Variants in SLC25A21 observed in about 807,000 individuals in gnomAD.
The protein encoded by SLC25A21 is mitochondrial 2-oxodicarboxylate carrier.
A neutral mutation model predicts 43.8 loss-of-function variants in SLC25A21; 47 were observed. The observed-to-expected ratio is 1.07, with a 90% CI of 0.85 to 1.37. The LOEUF is 1.37. Ranked by LOEUF, SLC25A21 falls within the 40% of genes most tolerant of loss-of-function variation. The pLI is 0.00. For missense variants in SLC25A21, 352 were observed against 350.2 expected (o/e 1.00, Z -0.04); for synonymous variants, 131 against 121.3 (o/e 1.08, Z -0.52).
At chr14:36,951,529 C>G (rs1009275150) in intron 1 of SLC25A21, among the ~76,000 whole-genome samples, 18 of 152,150 alleles carry the variant, frequency 1.2e-4, no homozygotes, top group Non-Finnish European at 2.2e-4. Flanking sequence ...AATAGGGCCT[C>G]TCTTATCCAC....
At chr14:36,793,353 T>C (rs979686534) in intron 3 of SLC25A21, among the ~76,000 whole-genome samples, 1 of 151,888 alleles carries the variant, frequency 6.6e-6, no homozygotes, top group African/African-American at 2.4e-5. Context: ...CGGAAACACA[T>C]GAATAATGGA....
chr14:37,061,064 TG>T (rs1257238271), intron 1 of SLC25A21, among the ~76,000 whole-genome samples: 3 of 152,130 alleles, frequency 2.0e-5, no homozygotes, highest in Non-Finnish European at 4.4e-5. Flanking sequence ...TCCCTGCAGG[TG>T]TGCTCTGATC....
rs183404449 is a variant in SLC25A21 at position 37,172,208 on chromosome 14, C to A, written c.70+73G>T. The A allele has an allele frequency of 1.6e-4, 230 of 1,450,136 alleles. No homozygotes were observed. In the African/African-American group the frequency reaches 3.0e-3, roughly 19 times the overall value. The allele number at this position is 1,450,136 out of a possible 1,614,324, so 89.8% of individuals were successfully genotyped here. On this transcript the variant is annotated intron_variant, in intron 1 of 9. Transcript: ENST00000331299. ...GCAGAACTTCAGTAAGGAGACCTGT[C>A]TGGGCAACGGTTTCAGGACACGCGG...
At chr14:36,943,316 C>T (rs550247838) in intron 1 of SLC25A21, among the ~76,000 whole-genome samples, 1 of 152,166 alleles carries the variant, frequency 6.6e-6, no homozygotes, top group African/African-American at 2.4e-5. Context: ...CTCAGCCTCC[C>T]GACTAGCTAG....
chr14:36,867,040 T>TG (rs1329122644), intron 2 of SLC25A21, among the ~76,000 whole-genome samples: 1 of 152,154 alleles, frequency 6.6e-6, no homozygotes, highest in Non-Finnish European at 1.5e-5. Context: ...CTGCTCTAGA[T>TG]GGAGTCTGGG....
intron 1 of SLC25A21, among the ~76,000 whole-genome samples, chr14:36,955,343 G>A (rs113502931): frequency 0.018 from 2,731 of 152,260 alleles, 76 homozygotes; most frequent in African/African-American, 0.061. Context: ...TTTCCCAAAG[G>A]ATTACTTTTG....
At chr14:36,891,374 G>GAGGTATGAATTCTGTATTC (rs977754409) in intron 1 of SLC25A21, among the ~76,000 whole-genome samples, 4 of 152,090 alleles carry the variant, frequency 2.6e-5, no homozygotes, top group African/African-American at 9.7e-5. Context: ...CTTCATAGGA[G>GAGGTATGAATTCTGTATTC]AGGTATGAAT....
chr14:36,716,421 C>T (rs1021799184), intron 6 of SLC25A21, among the ~76,000 whole-genome samples: 7 of 152,146 alleles, frequency 4.6e-5, no homozygotes, highest in Non-Finnish European at 1.0e-4. Context: ...TCTTGCCACA[C>T]ACAAAAATAG....
At chr14:36,721,624 A>G (rs1218814339) in intron 6 of SLC25A21, among the ~76,000 whole-genome samples, 2 of 152,218 alleles carry the variant, frequency 1.3e-5, no homozygotes, top group African/African-American at 4.8e-5. Flanking sequence ...TAATTGGCAA[A>G]CAAAGTTTAA....
chr14:37,071,233 T>A lies in SLC25A21; in HGVS notation c.70+101048A>T, dbSNP rs534063115. On this transcript the variant is annotated intron_variant, in intron 1 of 9. Coordinates refer to ENST00000331299, the MANE Select transcript of SLC25A21 (RefSeq NM_030631.4). ...GATGTATACATGGTATTGATGAAAA[T>A]TTTTAAAAATGTTAAATTAATCCCA... Among the ~76,000 whole-genome samples, 79 of 152,302 alleles carry A rather than the reference T, an allele frequency of 5.2e-4. 2 individuals carry two copies. The highest frequency in any genetic ancestry group is 1.8e-3 in the African/African-American group (76 of 41,566).
intron 1 of SLC25A21, among the ~76,000 whole-genome samples, chr14:36,889,649 G>C (rs1330317122): frequency 1.3e-5 from 2 of 151,792 alleles, no homozygotes; most frequent in African/African-American, 4.8e-5. Flanking sequence ...ACTATGCTCA[G>C]CTATTTTTTA....
intron 1 of SLC25A21, among the ~76,000 whole-genome samples, chr14:37,028,978 C>T (rs1192002835): frequency 6.6e-6 from 1 of 152,140 alleles, no homozygotes; most frequent in African/African-American, 2.4e-5. Flanking sequence ...TAGTCCTTGC[C>T]AATTATTCTA....
intron 1 of SLC25A21, among the ~76,000 whole-genome samples, chr14:36,879,308 T>C (rs1210282671): frequency 6.6e-6 from 1 of 152,206 alleles, no homozygotes; most frequent in African/African-American, 2.4e-5. Context: ...GTTATTTTTA[T>C]TTCAGGCAAC....
intron 3 of SLC25A21, among the ~76,000 whole-genome samples, chr14:36,739,156 G>A (rs938750545): frequency 1.1e-4 from 17 of 152,108 alleles, no homozygotes; most frequent in African/African-American, 3.6e-4. Flanking sequence ...TTAGAAGGAA[G>A]CAGGAAAGGC....
In SLC25A21 at chr14:36,764,534, C is replaced by CAA. The variant is rs200286612; in HGVS notation, c.204-29963_204-29962dup. Among the ~76,000 whole-genome samples, 227 of 96,088 alleles carry CAA rather than the reference C, an allele frequency of 2.4e-3. 1 individual carries two copies. The Middle Eastern group carries it at 0.028, about 12-fold the overall frequency. 63.0% of individuals were successfully genotyped at this position (96,088 alleles called of 152,430 possible). On this transcript the variant is annotated intron_variant, in intron 3 of 9. Transcript: ENST00000331299. ...GATTTATGCACACTCACCCACACTCCAAAAAAAAAAAAAAAGCCAAAACAA... is the reference window on the plus strand; with the variant it reads ...GATTTATGCACACTCACCCACACTCCAAAAAAAAAAAAAAAAAGCCAAAACAA...
intron 1 of SLC25A21, among the ~76,000 whole-genome samples, chr14:36,946,903 T>C (rs185469544): frequency 1.3e-5 from 2 of 151,908 alleles, no homozygotes; most frequent in African/African-American, 4.9e-5. Flanking sequence ...TCTGGCATAA[T>C]ATTATAGTAT....
In SLC25A21 at chr14:36,892,959, T is replaced by C. The variant is rs373364549; in HGVS notation, c.71-17955A>G. Among the ~76,000 whole-genome samples the C allele has an allele frequency of 6.7e-4, 102 of 152,324 alleles. No homozygotes were observed. The East Asian group carries it at 0.018, about 27-fold the overall frequency. On this transcript the variant is annotated intron_variant, in intron 1 of 9. Transcript: ENST00000331299. Reference sequence around the variant, plus strand: ...AATCCAGTCTATCATTGATGGGCATTTGGGTTGGTTCCAAGTCTTTGCTAT... The same window carrying C: ...AATCCAGTCTATCATTGATGGGCATCTGGGTTGGTTCCAAGTCTTTGCTAT...
At chr14:36,997,077 C>A (rs960225214) in intron 1 of SLC25A21, among the ~76,000 whole-genome samples, 3 of 151,412 alleles carry the variant, frequency 2.0e-5, no homozygotes, top group Non-Finnish European at 4.4e-5. Context: ...AGGACAAGAA[C>A]CAAAGAAAAG....
intron 2 of SLC25A21, among the ~76,000 whole-genome samples, chr14:36,860,728 T>C (rs2138530965): frequency 6.6e-6 from 1 of 152,262 alleles, no homozygotes; most frequent in South Asian, 2.1e-4. Context: ...AGAACACAAA[T>C]ACAGAGACAA....
Sources: allele counts gnomAD v4.1 joint callset (sites outside exome capture counted in the v4.1 genomes callset), GRCh38; gene constraint gnomAD v4.1.1; transcripts MANE v1.5; gene names NCBI Gene and HGNC (gene_info 2026-07-23, HGNC 2026-07-21).